SPOCK1: variants seen among roughly 807,000 people sequenced by gnomAD.
SPOCK1 encodes the protein SPARC (osteonectin), cwcv and kazal like domains proteoglycan 1, also known as testican-1.
SPOCK1 carries 23 observed loss-of-function variants against 55.3 expected under a neutral mutation model. That is an observed-to-expected ratio of 0.42 (90% CI 0.30 to 0.59). The LOEUF (loss-of-function observed/expected upper bound fraction) is 0.59. Ranked by LOEUF, SPOCK1 falls within the 20% of genes least tolerant of loss-of-function variation. The pLI is 0.22. For synonymous variants in SPOCK1, 226 were observed against 221.0 expected, an observed-to-expected ratio of 1.02 and a Z score of -0.20; for missense variants, 499 against 552.5, an observed-to-expected ratio of 0.90 and a Z score of 0.97.
chr5:137,008,872 T>C (rs575829303), intron 6 of SPOCK1, among the ~76,000 whole-genome samples: 2 of 152,182 alleles, frequency 1.3e-5, no homozygotes, highest in South Asian at 4.1e-4. Context: ...AAGGGGAGGC[T>C]AAACTGGGGG....
At chr5:137,357,550 A>G (rs1243123304) in intron 2 of SPOCK1, among the ~76,000 whole-genome samples, 1 of 152,174 alleles carries the variant, frequency 6.6e-6, no homozygotes, top group Non-Finnish European at 1.5e-5. Flanking sequence ...AGAGAAAGAG[A>G]TGCCTGACTG....
At chr5:136,999,187 A>G (rs931744794) in intron 6 of SPOCK1, among the ~76,000 whole-genome samples, 2 of 152,178 alleles carry the variant, frequency 1.3e-5, no homozygotes, top group African/African-American at 2.4e-5. Context: ...TGTTGTCAAT[A>G]CTGTAGGACA....
chr5:136,986,250 C>G (rs1750838762), intron 8 of SPOCK1, among the ~76,000 whole-genome samples: 1 of 152,126 alleles, frequency 6.6e-6, no homozygotes, highest in Non-Finnish European at 1.5e-5. Context: ...TCAGCAACTG[C>G]AAGAGTAAGG....
chr5:137,069,119 C>T (rs1274119506), intron 5 of SPOCK1, among the ~76,000 whole-genome samples: 4 of 152,330 alleles, frequency 2.6e-5, no homozygotes, highest in East Asian at 1.9e-4. Context: ...AAGCCACACA[C>T]GAGTGCAGAT....
intron 2 of SPOCK1, among the ~76,000 whole-genome samples, chr5:137,391,522 C>T (rs1191163455): frequency 5.3e-5 from 8 of 151,988 alleles, no homozygotes; most frequent in African/African-American, 1.5e-4. Context: ...TTCAGAATAC[C>T]CTCTGGCTCC....
intron 3 of SPOCK1, among the ~76,000 whole-genome samples, chr5:137,211,521 C>T (rs2127081984): frequency 6.6e-6 from 1 of 152,312 alleles, no homozygotes; most frequent in Admixed American, 6.5e-5. Flanking sequence ...TTGACCCTGG[C>T]TTCTAGCAGG....
chr5:137,326,457 T>C (rs1031739176), intron 2 of SPOCK1, among the ~76,000 whole-genome samples: 4 of 152,140 alleles, frequency 2.6e-5, no homozygotes, highest in African/African-American at 4.8e-5. Context: ...GGCAATCCCA[T>C]ATGAAGGACA....
chr5:137,420,147 C>G (rs954406481), intron 2 of SPOCK1, among the ~76,000 whole-genome samples: 15 of 152,160 alleles, frequency 9.9e-5, no homozygotes, highest in Admixed American at 8.5e-4. Context: ...GGATGAAGCC[C>G]ACTTGATCAT....
intron 7 of SPOCK1, chr5:136,988,980 G>A: frequency 5.0e-6 from 1 of 200,216 alleles, no homozygotes. Flanking sequence ...GTGAGTGAGA[G>A]GTATAGCTTA....
At chr5:136,998,650 G>C (rs561152949) in intron 6 of SPOCK1, among the ~76,000 whole-genome samples, 17 of 152,352 alleles carry the variant, frequency 1.1e-4, no homozygotes, top group Non-Finnish European at 2.2e-4. Context: ...CAATGATGCA[G>C]GTGAGGTAGC....
intron 2 of SPOCK1, among the ~76,000 whole-genome samples, chr5:137,307,931 T>C (rs897643299): frequency 1.3e-5 from 2 of 152,204 alleles, no homozygotes; most frequent in Admixed American, 6.5e-5. Flanking sequence ...AAACCAGGTA[T>C]GCATTTCCAT....
intron 2 of SPOCK1, among the ~76,000 whole-genome samples, chr5:137,471,275 C>T (rs568270890): frequency 2.2e-4 from 33 of 152,288 alleles, no homozygotes; most frequent in African/African-American, 6.3e-4. Context: ...TGCTGCCCTC[C>T]CCACCAAATC....
intron 3 of SPOCK1, among the ~76,000 whole-genome samples, chr5:137,256,821 G>A (rs868000518): frequency 2.0e-5 from 3 of 152,090 alleles, no homozygotes; most frequent in East Asian, 3.9e-4. Context: ...TCCAGCGCAC[G>A]CGTGCCACAA....
At chr5:137,160,654 A>ATATATATTT (rs1394261156) in intron 3 of SPOCK1, among the ~76,000 whole-genome samples, 19 of 104,500 alleles carry the variant, frequency 1.8e-4, no homozygotes, top group African/African-American at 6.6e-4. Flanking sequence ...ATTTTATATA[A>ATATATATTT]TATACAATAT....
chr5:137,206,436 T>C (rs80171715), intron 3 of SPOCK1, among the ~76,000 whole-genome samples: 16,906 of 152,180 alleles, frequency 0.11, 1,182 homozygotes, highest in East Asian at 0.22. Flanking sequence ...GTCCTTAGCA[T>C]ATGAAAAAGC....
At chr5:137,088,951 G>T (rs563611875) in intron 5 of SPOCK1, among the ~76,000 whole-genome samples, 1 of 152,330 alleles carries the variant, frequency 6.6e-6, no homozygotes, top group Admixed American at 6.5e-5. Context: ...GTCTGGTCTT[G>T]TGAGAAGCAA....
chr5:137,058,873 G>A (rs535612503), intron 6 of SPOCK1, among the ~76,000 whole-genome samples: 1 of 152,302 alleles, frequency 6.6e-6, no homozygotes, highest in South Asian at 2.1e-4. Context: ...AGACCTGTGT[G>A]CCTGGAGCTG....
intron 3 of SPOCK1, among the ~76,000 whole-genome samples, chr5:137,181,796 A>C (rs948340681): frequency 9.2e-5 from 14 of 152,216 alleles, no homozygotes; most frequent in African/African-American, 3.4e-4. Flanking sequence ...AATGTATGAT[A>C]ATCTAAATCG....
chr5:137,213,714 C>A (rs962656619), intron 3 of SPOCK1, among the ~76,000 whole-genome samples: 2 of 152,190 alleles, frequency 1.3e-5, no homozygotes, highest in Non-Finnish European at 2.9e-5. Context: ...AACAATACCT[C>A]CTTCTTGGAG....
Sources: gnomAD v4.1 joint callset for allele counts (sites outside exome capture counted in the v4.1 genomes callset) on GRCh38, gnomAD v4.1.1 for gene constraint, MANE v1.5 for transcripts, NCBI Gene and HGNC (gene_info 2026-07-23, HGNC 2026-07-21) for gene names.